KNTC1: variants seen among roughly 807,000 people sequenced by gnomAD.
The protein encoded by KNTC1 is kinetochore associated 1.
KNTC1 carries 253 observed loss-of-function variants against 314.4 expected under a neutral mutation model. The observed-to-expected ratio is 0.80, with a 90% confidence interval of 0.73 to 0.89. The LOEUF (loss-of-function observed/expected upper bound fraction) is 0.89. Ranked by LOEUF, KNTC1 falls within the 40% of genes least tolerant of loss-of-function variation. The pLI, the probability that KNTC1 is intolerant of heterozygous loss-of-function variation, is 0.00. For missense variants in KNTC1, 2,475 were observed against 2,572.9 expected, an observed-to-expected ratio of 0.96 and a Z score of 0.82; for synonymous variants, 901 against 901.4, an observed-to-expected ratio of 1.00 and a Z score of 0.01.
chr12:122,541,325 C>CTTCCTTCCTTCT (rs1962310883), intron 5 of KNTC1, among the ~76,000 whole-genome samples: 3 of 134,698 alleles, frequency 2.2e-5, no homozygotes. Flanking sequence ...TCCTTCCTTC[C>CTTCCTTCCTTCT]GTCCTTCCTC....
intron 4 of KNTC1, 39 bp from the exon 5 acceptor site, chr12:122,539,637 T>TA (rs1962128345): frequency 7.5e-7 from 1 of 1,328,576 alleles, no homozygotes; most frequent in East Asian, 2.5e-5. Flanking sequence ...TGTATTTTTC[T>TA]ATGTTTAATT....
intron 1 of KNTC1, among the ~76,000 whole-genome samples, chr12:122,529,611 C>G (rs1961135948): frequency 6.6e-6 from 1 of 152,166 alleles, no homozygotes; most frequent in Non-Finnish European, 1.5e-5. Context: ...CCCTGACAAT[C>G]TGGCATCTAA....
At chr12:122,539,785 C>CTT (rs35303600) in intron 5 of KNTC1, 31 bp downstream of exon 5, 10,669 of 1,060,518 alleles carry the variant, frequency 0.01, 1 homozygote, top group East Asian at 0.016. Flanking sequence ...TTTTGAATGA[C>CTT]TTTTTTTTTT....
chr12:122,597,940 T>C lies in KNTC1; in HGVS notation c.4563+2T>C, dbSNP rs1350099865. On this transcript the variant is annotated splice_donor_variant, in intron 44 of 63. Coordinates refer to ENST00000333479, the MANE Select transcript of KNTC1 (RefSeq NM_014708.6). LOFTEE classifies it high-confidence loss of function. ...AGTCTTAGTGGAATACTACATAAGG[T>C]AGACACACAGTGAAATGAATCGGGT... The C allele has an allele frequency of 1.2e-6, 2 of 1,611,930 alleles. No individual in the cohort carries two copies. The highest frequency in any genetic ancestry group is 1.7e-6 in the Non-Finnish European group (2 of 1,178,034).
At chr12:122,559,036 C>G (rs1963797503) in intron 18 of KNTC1, among the ~76,000 whole-genome samples, 1 of 152,014 alleles carries the variant, frequency 6.6e-6, no homozygotes, top group Non-Finnish European at 1.5e-5. Flanking sequence ...TGTCTGGCTT[C>G]TTTCACTTAG....
chr12:122,617,011 T>C (rs1873837383), intron 57 of KNTC1, among the ~76,000 whole-genome samples: 1 of 152,228 alleles, frequency 6.6e-6, no homozygotes, highest in Admixed American at 6.5e-5. Flanking sequence ...GTCCGGCTTC[T>C]TTCACTCAGC....
intron 62 of KNTC1, 49 bp downstream of exon 62, chr12:122,622,656 C>T (rs1432541071): frequency 1.4e-6 from 2 of 1,436,616 alleles, no homozygotes; most frequent in Non-Finnish European, 1.9e-6. Context: ...TCCTTAAAAT[C>T]TATCTTTATA....
intron 51 of KNTC1, among the ~76,000 whole-genome samples, chr12:122,605,802 T>C (rs1872524024): frequency 6.6e-6 from 1 of 152,024 alleles, no homozygotes; most frequent in Admixed American, 6.6e-5. Flanking sequence ...CCTCAGCCTC[T>C]CAAAGTGCTG....
chr12:122,599,197 G>C (rs1871487215), intron 44 of KNTC1, among the ~76,000 whole-genome samples: 1 of 151,738 alleles, frequency 6.6e-6, no homozygotes, highest in South Asian at 2.1e-4. Flanking sequence ...TAACTCCTGG[G>C]CTCAAGTGAT....
intron 21 of KNTC1, among the ~76,000 whole-genome samples, chr12:122,569,458 T>G (rs1178405187): frequency 2.6e-5 from 4 of 152,226 alleles, no homozygotes; most frequent in Admixed American, 2.6e-4. Flanking sequence ...CTCTGCTGGT[T>G]CTTCTGCTAC....
intron 2 of KNTC1, 92 bp from the exon 3 acceptor site, chr12:122,534,572 G>A (rs1406023983): frequency 1.6e-6 from 2 of 1,213,946 alleles, no homozygotes; most frequent in Non-Finnish European, 2.3e-6. Flanking sequence ...GTTTTAAAGT[G>A]GGATATTTGG....
At chr12:122,620,308 G>C in intron 59 of KNTC1, 171 bp from the exon 60 acceptor site, 2 of 537,756 alleles carry the variant, frequency 3.7e-6, no homozygotes, top group South Asian at 2.3e-5. Flanking sequence ...TCTGTGTAGA[G>C]TGCTGTCAAA....
In KNTC1 at chr12:122,604,912, G is replaced by A. The variant is rs765062634; in HGVS notation, c.5211G>A (p.Lys1737=). The change falls in exon 50 of 64, where the codon AAG becomes AAA. Residue 1737 remains lysine (K), a synonymous_variant. Coordinates refer to ENST00000333479, the MANE Select transcript of KNTC1 (RefSeq NM_014708.6). ...EKREKAEALL[K]KLHIQYRRSG... ...GTGAAAAAGCCGAGGCTTTGTTGAA[G>A]AAGCTTCATATCCAGTACCGGCGAT... The A allele has an allele frequency of 6.2e-7, 1 of 1,609,258 alleles. No individual in the cohort carries two copies. Among genetic ancestry groups the A allele is most frequent in the Non-Finnish European group, 8.5e-7 (1 of 1,177,720 alleles).
At position 122,568,407 on chromosome 12, in the gene KNTC1, A is replaced by T. The variant is rs201350031; in HGVS notation, c.1716+35A>T. ...TTTACATTTTTTCCTTAACAGCTTT[A>T]TAGCTCCTGAGTTAGGTGATTGAAT... On this transcript the variant is annotated intron_variant, in intron 21 of 63. Transcript: ENST00000333479. 2.6e-5 allele frequency: 30 copies of T among 1,136,960 alleles called. No homozygotes were observed. In the Admixed American group the frequency reaches 5.1e-4, roughly 19 times the overall value. The allele number at this position is 1,136,960 out of a possible 1,614,324, so 70.4% of individuals were successfully genotyped here.
rs1374806111 is a variant in KNTC1 at position 122,579,961 on chromosome 12, A to G, written c.2898A>G (p.Leu966=). 2 of 1,606,944 alleles carry G rather than the reference A, an allele frequency of 1.2e-6. No individual in the cohort carries two copies. Among genetic ancestry groups the G allele is most frequent in the Non-Finnish European group, 8.5e-7 (1 of 1,173,624 alleles). Residue 966 remains leucine (L), a synonymous_variant, in exon 32 of 64, where the codon CTA becomes CTG. Transcript: ENST00000333479. The part of the protein sequence containing the change: ...AKTSVDILKI[L]CDIQKDNLQK... ...CATCCGTGGACATTCTTAAGATACT[A>G]TGTGACATTCAGAAAGGTAGCTTTT... is the stretch of plus-strand genomic sequence containing the variant.
In KNTC1 at chr12:122,532,108, A is replaced by T. The variant is rs141572780; in HGVS notation, c.129+1916A>T. Among the ~76,000 whole-genome samples the T allele has an allele frequency of 4.3e-3, 646 of 149,094 alleles. 8 individuals carry two copies. Among genetic ancestry groups the T allele is most frequent in the Middle Eastern group, 0.034 (10 of 290 alleles). On this transcript the variant is annotated intron_variant, in intron 2 of 63. Coordinates refer to ENST00000333479, the MANE Select transcript of KNTC1 (RefSeq NM_014708.6). ...GAGTACAGTGATGTGATATTGACTC[A>T]TTACAACCTCCCACTCCTGGATTCA...
At position 122,547,545 on chromosome 12, in the gene KNTC1, T is replaced by C. The variant is rs745873937; in HGVS notation, c.932+15T>C. On this transcript the variant is annotated intron_variant, in intron 11 of 63. Transcript: ENST00000333479. ...TCAGTCACGTGGTATGTTATGACTATGGCTAGTAGTCATTTCCCTTCTGTT... is the reference window on the plus strand; with the variant it reads ...TCAGTCACGTGGTATGTTATGACTACGGCTAGTAGTCATTTCCCTTCTGTT... 2 of 1,426,106 alleles carry C rather than the reference T, an allele frequency of 1.4e-6. No individual in the cohort carries two copies. Among genetic ancestry groups the C allele is most frequent in the South Asian group, 1.2e-5 (1 of 86,118 alleles). 88.3% of individuals were successfully genotyped at this position (1,426,106 alleles called of 1,614,324 possible). A position where few individuals can be genotyped will look rare whatever the true frequency, so the allele number is the denominator to read the frequency against.
rs79804143 is a variant in KNTC1, at chr12:122,620,829, T to C, written c.6279+221T>C. Among the ~76,000 whole-genome samples, 43 of 152,250 alleles carry C rather than the reference T, an allele frequency of 2.8e-4. No homozygotes were observed. The East Asian group carries it at 8.3e-3, about 29-fold the overall frequency. On this transcript the variant is annotated intron_variant, in intron 60 of 63. Transcript: ENST00000333479. ...CAAGGGGTTTGGGCCTTATTGTCTA[T>C]CAGTGGGGAAACAAGTGATTATTTT...
At chr12:122,609,691 A>C (rs1371590193) in intron 52 of KNTC1, among the ~76,000 whole-genome samples, 1 of 151,984 alleles carries the variant, frequency 6.6e-6, no homozygotes, top group Non-Finnish European at 1.5e-5. Flanking sequence ...CCTCTCAAGC[A>C]GAAGAAAACT....
Sources: allele counts gnomAD v4.1 joint callset (sites outside exome capture counted in the v4.1 genomes callset), GRCh38; gene constraint gnomAD v4.1.1; transcripts MANE v1.5; gene names NCBI Gene and HGNC (gene_info 2026-07-23, HGNC 2026-07-21).